The following HHIP variants were observed in gnomAD, a reference collection of about 807,000 sequenced individuals.
HHIP encodes the protein hedgehog interacting protein.
A neutral mutation model predicts 74.0 loss-of-function variants in HHIP; 12 were observed. That is an observed-to-expected ratio of 0.16 (90% confidence interval 0.10 to 0.26). The LOEUF is 0.26. HHIP is among the 10% of genes least tolerant of loss of function. HHIP has a pLI of 1.00. For synonymous variants in HHIP, 309 were observed against 311.6 expected (o/e 0.99, Z 0.09); for missense variants, 788 against 845.0 (o/e 0.93, Z 0.84).
intron 7 of HHIP, among the ~76,000 whole-genome samples, chr4:144,709,659 T>C (rs1224299366): frequency 6.6e-6 from 1 of 152,136 alleles, no homozygotes; most frequent in Non-Finnish European, 1.5e-5. Context: ...AAAGGGAACT[T>C]TTATTAAGCA....
chr4:144,710,781 C>T (rs567187189), intron 7 of HHIP, among the ~76,000 whole-genome samples: 1 of 152,306 alleles, frequency 6.6e-6, no homozygotes, highest in South Asian at 2.1e-4. Flanking sequence ...AAACACCCTA[C>T]AGTTGGCAGC....
chr4:144,731,865 G>T (rs1472252507), intron 11 of HHIP, among the ~76,000 whole-genome samples: 1 of 152,168 alleles, frequency 6.6e-6, no homozygotes, highest in Non-Finnish European at 1.5e-5. Context: ...CTCCTCATCT[G>T]TATTTCTATG....
At chr4:144,663,955 A>G (rs1005630533) in intron 4 of HHIP, among the ~76,000 whole-genome samples, 1 of 152,236 alleles carries the variant, frequency 6.6e-6, no homozygotes, top group Non-Finnish European at 1.5e-5. Flanking sequence ...AAGGAAGGAT[A>G]TGCCCGCACC....
At chr4:144,696,231 AG>A (rs764203836) in intron 4 of HHIP, among the ~76,000 whole-genome samples, 1 of 151,810 alleles carries the variant, frequency 6.6e-6, no homozygotes, top group Admixed American at 6.6e-5. Context: ...CCTTTGCCTC[AG>A]TGAGTGTATT....
At chr4:144,656,784 T>G (rs1045159066) in intron 2 of HHIP, among the ~76,000 whole-genome samples, 42 of 152,266 alleles carry the variant, frequency 2.8e-4, no homozygotes, top group African/African-American at 8.9e-4. Context: ...GCAAAGAGTT[T>G]GATTTAACAA....
At chr4:144,728,683 T>C (rs2126683111) in intron 11 of HHIP, among the ~76,000 whole-genome samples, 1 of 152,300 alleles carries the variant, frequency 6.6e-6, no homozygotes, top group South Asian at 2.1e-4. Flanking sequence ...ACATTTAATT[T>C]CTTGCTGTAC....
rs150664470 is a variant in HHIP at position 144,735,193 on chromosome 4, C to G, written c.1909+304C>G. 1.3e-3 allele frequency among the ~76,000 whole-genome samples: 192 copies of G among 152,190 alleles called. 1 individual carries two copies. Among genetic ancestry groups the G allele is most frequent in the African/African-American group, 4.2e-3 (176 of 41,530 alleles). Reference sequence around the variant, plus strand: ...GATCATCTCTTTAGGCCTCTTGGTCCTGGGTTCTGAAATTTCACACTAGCC... The same window carrying G: ...GATCATCTCTTTAGGCCTCTTGGTCGTGGGTTCTGAAATTTCACACTAGCC... On this transcript the variant is annotated intron_variant, in intron 12 of 12. Transcript: ENST00000296575.
Position 144,711,883 on chromosome 4 carries a change from G to T in HHIP, c.1302-67G>T, listed in dbSNP as rs558669121. The T allele has an allele frequency of 7.9e-6, 12 of 1,509,666 alleles. No individual in the cohort carries two copies. The East Asian group carries it at 9.1e-5, about 11-fold the overall frequency. The allele number at this position is 1,509,666 out of a possible 1,614,324, so 93.5% of individuals were successfully genotyped here. A position where few individuals can be genotyped will look rare whatever the true frequency, so the allele number is the denominator to read the frequency against. ...CACAAAGGGCTCCTTCCTATGTCAG[G>T]AATCTCCAGTCTGAGCTTGGAAAAG... is the stretch of plus-strand genomic sequence containing the variant. On this transcript the variant is annotated intron_variant, in intron 7 of 12. Coordinates refer to ENST00000296575, the MANE Select transcript of HHIP (RefSeq NM_022475.3).
intron 4 of HHIP, among the ~76,000 whole-genome samples, chr4:144,698,833 A>G (rs935589871): frequency 2.6e-5 from 4 of 152,188 alleles, no homozygotes; most frequent in Admixed American, 6.5e-5. Context: ...AGTTTAGTAG[A>G]AAAAACAAGT....
In HHIP at chr4:144,738,304, T is replaced by C. The variant is rs1731177327; in HGVS notation, c.*347T>C. 1.0e-6 allele frequency: 1 copy of C among 981,248 alleles called. No homozygotes were observed. The highest frequency in any genetic ancestry group is 1.2e-6 in the Non-Finnish European group (1 of 824,954). 60.8% of individuals were successfully genotyped at this position (981,248 alleles called of 1,614,324 possible). A position where few individuals can be genotyped will look rare whatever the true frequency, so the allele number is the denominator to read the frequency against. On this transcript the variant is annotated 3_prime_UTR_variant, in exon 13 of 13. Coordinates refer to ENST00000296575, the MANE Select transcript of HHIP (RefSeq NM_022475.3). Reference sequence around the variant, plus strand: ...ATTATTTGACTTCCCAGGAATTTTCTGTCTGTAATCACTAAAGTCAACTTT... The same window carrying C: ...ATTATTTGACTTCCCAGGAATTTTCCGTCTGTAATCACTAAAGTCAACTTT...
At chr4:144,706,810 C>G in intron 5 of HHIP, 128 bp downstream of exon 5, 1 of 830,402 alleles carries the variant, frequency 1.2e-6, no homozygotes, top group South Asian at 2.0e-5. Flanking sequence ...TCATTACCTC[C>G]ATCTTGCTGA....
chr4:144,732,342 T>C (rs1003537035), intron 11 of HHIP, among the ~76,000 whole-genome samples: 2 of 152,180 alleles, frequency 1.3e-5, no homozygotes, highest in Non-Finnish European at 2.9e-5. Flanking sequence ...CACAGTCTTA[T>C]ATAAATTAAA....
At chr4:144,683,543 T>C (rs1016595830) in intron 4 of HHIP, among the ~76,000 whole-genome samples, 7 of 152,236 alleles carry the variant, frequency 4.6e-5, no homozygotes, top group African/African-American at 1.7e-4. Flanking sequence ...CGATAAATTA[T>C]AGTATACCAA....
At chr4:144,696,979 A>AT (rs957827813) in intron 4 of HHIP, among the ~76,000 whole-genome samples, 1 of 151,924 alleles carries the variant, frequency 6.6e-6, no homozygotes, top group Non-Finnish European at 1.5e-5. Flanking sequence ...CATATCTAAC[A>AT]TTTTGTTGTG....
At chr4:144,723,809 A>T (rs1730713564) in intron 11 of HHIP, among the ~76,000 whole-genome samples, 1 of 152,236 alleles carries the variant, frequency 6.6e-6, no homozygotes, top group Non-Finnish European at 1.5e-5. Flanking sequence ...AGAGGTCATG[A>T]ACAAGTATAT....
chr4:144,736,841 C>G (rs1560726190), intron 12 of HHIP, among the ~76,000 whole-genome samples: 1 of 152,166 alleles, frequency 6.6e-6, no homozygotes, highest in East Asian at 1.9e-4. Context: ...AGATTTAAAG[C>G]ATAAAATTGT....
chr4:144,707,038 A>C, intron 5 of HHIP, 49 bp from the exon 6 acceptor site: 1 of 1,495,630 alleles, frequency 6.7e-7, no homozygotes, highest in Non-Finnish European at 9.3e-7. Context: ...TGATGGACTC[A>C]TCTTAAATCT....
chr4:144,719,350 A>T (rs1730565953), intron 11 of HHIP, among the ~76,000 whole-genome samples: 1 of 152,172 alleles, frequency 6.6e-6, no homozygotes, highest in Non-Finnish European at 1.5e-5. Flanking sequence ...GCTTAGTATG[A>T]TTTTTGTTAA....
chr4:144,720,559 G>C (rs1730603944), intron 11 of HHIP, among the ~76,000 whole-genome samples: 1 of 152,034 alleles, frequency 6.6e-6, no homozygotes, highest in African/African-American at 2.4e-5. Context: ...GTTGCCATAA[G>C]GGACCTTGGC....
Sources: allele counts gnomAD v4.1 joint callset (sites outside exome capture counted in the v4.1 genomes callset), GRCh38; gene constraint gnomAD v4.1.1; transcripts MANE v1.5; gene names NCBI Gene and HGNC (gene_info 2026-07-23, HGNC 2026-07-21).